The following CCSER1 variants were observed in gnomAD, a reference collection of about 807,000 sequenced individuals.
CCSER1 encodes coiled-coil serine rich protein 1.
Under a neutral mutation model 82.0 loss-of-function variants are expected in CCSER1, and 41 were observed. The ratio of observed to expected loss-of-function variants is 0.50; its 90% CI spans 0.39 to 0.65. CCSER1 has a LOEUF of 0.65. CCSER1 is among the 30% of genes least tolerant of loss of function. The pLI, the probability that CCSER1 is intolerant of heterozygous loss-of-function variation, is 0.00. For missense variants in CCSER1, 1,119 were observed against 1,064.2 expected, an observed-to-expected ratio of 1.05 and a Z score of -0.72; for synonymous variants, 414 against 383.9, an observed-to-expected ratio of 1.08 and a Z score of -0.92.
intron 7 of CCSER1, among the ~76,000 whole-genome samples, chr4:90,735,884 A>C (rs1400448536): frequency 6.6e-6 from 1 of 152,072 alleles, no homozygotes; most frequent in Non-Finnish European, 1.5e-5. Flanking sequence ...ACTATAGCTC[A>C]TAGGTTTGGG....
In CCSER1 at chr4:91,299,796, A is replaced by T. The variant is rs540543897; in HGVS notation, c.2217+213802A>T. Among the ~76,000 whole-genome samples, 223 of 148,522 alleles carry T rather than the reference A, an allele frequency of 1.5e-3. 1 individual carries two copies. Among genetic ancestry groups the T allele is most frequent in the African/African-American group, 4.1e-3 (168 of 40,578 alleles). ...CTACCTGAAAGTTTTTTTTTTTTTT[A>T]AATACATATATTAGTCCTCATAATG... On this transcript the variant is annotated intron_variant, in intron 10 of 10. Coordinates refer to ENST00000509176, the MANE Select transcript of CCSER1 (RefSeq NM_001145065.2).
At chr4:90,208,702 AG>A (rs1336097912) in intron 1 of CCSER1, among the ~76,000 whole-genome samples, 1 of 152,168 alleles carries the variant, frequency 6.6e-6, no homozygotes, top group Non-Finnish European at 1.5e-5. Flanking sequence ...TATCTGGGCC[AG>A]AATGCACTGT....
chr4:91,139,785 A>G (rs1728851269), intron 10 of CCSER1, among the ~76,000 whole-genome samples: 1 of 152,186 alleles, frequency 6.6e-6, no homozygotes, highest in Non-Finnish European at 1.5e-5. Context: ...AACAAAAAGA[A>G]CAGTGTTTAA....
At position 90,785,290 on chromosome 4, in the gene CCSER1, C is replaced by A. The variant is rs998111283; in HGVS notation, c.2011-30472C>A. Among the ~76,000 whole-genome samples, 5 of 152,146 alleles carry A rather than the reference C, an allele frequency of 3.3e-5. No individual in the cohort carries two copies. In the South Asian group the frequency reaches 6.2e-4, roughly 19 times the overall value. ...TGGGCTCAAGCAATCCACCCTCCTTCGCCTCCCAAATTACAGGCATGAGCC... is the reference window on the plus strand; with the variant it reads ...TGGGCTCAAGCAATCCACCCTCCTTAGCCTCCCAAATTACAGGCATGAGCC... On this transcript the variant is annotated intron_variant, in intron 7 of 10. Transcript: ENST00000509176.
chr4:91,459,097 C>A (rs144247686), intron 10 of CCSER1, among the ~76,000 whole-genome samples: 38 of 151,476 alleles, frequency 2.5e-4, no homozygotes, highest in African/African-American at 9.2e-4. Context: ...TCAAAAAATT[C>A]TGTGCATAAA....
chr4:90,523,817 A>G (rs1327888628), intron 5 of CCSER1, among the ~76,000 whole-genome samples: 1 of 152,170 alleles, frequency 6.6e-6, no homozygotes, highest in Non-Finnish European at 1.5e-5. Context: ...AGAAAGGCAT[A>G]TCTGAAAAAA....
At chr4:90,142,961 A>G (rs1725072214) in intron 1 of CCSER1, among the ~76,000 whole-genome samples, 1 of 152,174 alleles carries the variant, frequency 6.6e-6, no homozygotes, top group Admixed American at 6.5e-5. Flanking sequence ...TTGCAATAGC[A>G]GGAGTTCGGC....
chr4:91,433,559 T>C (rs533858817), intron 10 of CCSER1, among the ~76,000 whole-genome samples: 2 of 152,334 alleles, frequency 1.3e-5, no homozygotes, highest in African/African-American at 4.8e-5. Flanking sequence ...TTTTAAAATA[T>C]AGACATATGT....
At chr4:90,905,358 C>CCACA (rs3043030) in intron 8 of CCSER1, among the ~76,000 whole-genome samples, 9 of 150,340 alleles carry the variant, frequency 6.0e-5, no homozygotes, top group East Asian at 2.0e-4. Context: ...TCTAGTCACA[C>CCACA]CACACACACA....
At chr4:91,592,305 G>C (rs761553452) in intron 10 of CCSER1, among the ~76,000 whole-genome samples, 13 of 152,104 alleles carry the variant, frequency 8.5e-5, no homozygotes, top group Non-Finnish European at 1.8e-4. Context: ...ACTGCCATGA[G>C]AATAGCAGCA....
intron 10 of CCSER1, among the ~76,000 whole-genome samples, chr4:91,324,943 C>A (rs867127809): frequency 1.5e-4 from 23 of 152,240 alleles, no homozygotes; most frequent in Middle Eastern, 6.8e-3. Flanking sequence ...GAATTGTAAT[C>A]CCCTAGTGTT....
intron 8 of CCSER1, among the ~76,000 whole-genome samples, chr4:90,836,513 G>T (rs537866996): frequency 6.6e-6 from 1 of 152,050 alleles, no homozygotes; most frequent in Non-Finnish European, 1.5e-5. Flanking sequence ...CCAAATTCTA[G>T]GGCTAAGAAT....
intron 5 of CCSER1, among the ~76,000 whole-genome samples, chr4:90,623,072 G>C (rs1722636308): frequency 7.1e-6 from 1 of 141,132 alleles, no homozygotes; most frequent in Non-Finnish European, 1.5e-5. Flanking sequence ...CTTTCGCCCA[G>C]GCCAGAGTGC....
Position 91,257,472 on chromosome 4 carries a change from TACAC to T in CCSER1, c.2217+171505_2217+171508del, listed in dbSNP as rs34423543. 6.9e-3 allele frequency among the ~76,000 whole-genome samples: 1,023 copies of T among 148,946 alleles called. 7 individuals are homozygous for T. The highest frequency in any genetic ancestry group is 0.022 in the African/African-American group (896 of 40,596). ...ATTCAGTAAAGTTGGAATACATACCTACACACACACACACACACACACACACACA... is the reference window on the plus strand; with the variant it reads ...ATTCAGTAAAGTTGGAATACATACCTACACACACACACACACACACACACA... On this transcript the variant is annotated intron_variant, in intron 10 of 10. Coordinates refer to ENST00000509176, the MANE Select transcript of CCSER1 (RefSeq NM_001145065.2).
At chr4:91,188,980 A>G (rs1306329751) in intron 10 of CCSER1, among the ~76,000 whole-genome samples, 2 of 152,138 alleles carry the variant, frequency 1.3e-5, no homozygotes, top group East Asian at 1.9e-4. Context: ...AGAGTTATAA[A>G]TAGAATTAAT....
chr4:90,587,882 G>A (rs987210683), intron 5 of CCSER1, among the ~76,000 whole-genome samples: 2 of 152,184 alleles, frequency 1.3e-5, no homozygotes, highest in African/African-American at 4.8e-5. Flanking sequence ...TGCAGGTTCA[G>A]TTCCAGACCA....
intron 5 of CCSER1, among the ~76,000 whole-genome samples, chr4:90,609,419 A>T (rs1024238264): frequency 2.0e-5 from 3 of 152,190 alleles, no homozygotes; most frequent in African/African-American, 7.2e-5. Context: ...TGTCAGAAAA[A>T]GATTATACCA....
chr4:90,977,214 G>A (rs1008207465), intron 9 of CCSER1, among the ~76,000 whole-genome samples: 1 of 151,374 alleles, frequency 6.6e-6, no homozygotes, highest in Non-Finnish European at 1.5e-5. Context: ...GAAAGACAGA[G>A]GGCACCAGGA....
At chr4:91,382,829 C>G (rs1406963330) in intron 10 of CCSER1, among the ~76,000 whole-genome samples, 2 of 152,046 alleles carry the variant, frequency 1.3e-5, no homozygotes, top group Non-Finnish European at 2.9e-5. Context: ...GGAGCTCTTC[C>G]TATTTGGCCG....
Sources: allele counts gnomAD v4.1 joint callset (sites outside exome capture counted in the v4.1 genomes callset), GRCh38; gene constraint gnomAD v4.1.1; transcripts MANE v1.5; gene names NCBI Gene and HGNC (gene_info 2026-07-23, HGNC 2026-07-21).